The following CERS6 variants were observed in gnomAD, a reference collection of about 807,000 sequenced individuals.
The protein encoded by CERS6 is LAG1 homolog, ceramide synthase 6.
Under a neutral mutation model 56.8 loss-of-function variants are expected in CERS6, and 26 were observed. The ratio of observed to expected loss-of-function variants is 0.46; its 90% confidence interval spans 0.34 to 0.63. The LOEUF is 0.63. CERS6 is among the 30% of genes least tolerant of loss of function. The probability of loss-of-function intolerance (pLI) is 0.01; values close to 1 mark genes in which losing one functional copy is unlikely to be tolerated. For missense variants in CERS6, 415 were observed against 467.5 expected (o/e 0.89, Z 1.04); for synonymous variants, 164 against 173.3 (o/e 0.95, Z 0.42).
intron 1 of CERS6, among the ~76,000 whole-genome samples, chr2:168,500,171 A>G (rs902942673): frequency 3.9e-5 from 6 of 152,204 alleles, no homozygotes; most frequent in Admixed American, 6.5e-5. Context: ...ATCCATTCAT[A>G]TGACATTTTA....
intron 4 of CERS6, among the ~76,000 whole-genome samples, chr2:168,650,769 T>C (rs1439994590): frequency 6.6e-6 from 1 of 152,190 alleles, no homozygotes; most frequent in Admixed American, 6.5e-5. Flanking sequence ...ATTATTAAAA[T>C]CTTTCACAGT....
At chr2:168,582,405 C>T (rs1176431815) in intron 3 of CERS6, among the ~76,000 whole-genome samples, 1 of 152,054 alleles carries the variant, frequency 6.6e-6, no homozygotes, top group Non-Finnish European at 1.5e-5. Context: ...ATCCTGAGAG[C>T]TTCTTACTAT....
At chr2:168,457,889 C>T (rs984281809) in intron 1 of CERS6, among the ~76,000 whole-genome samples, 6 of 152,106 alleles carry the variant, frequency 3.9e-5, no homozygotes, top group Admixed American at 2.6e-4. Flanking sequence ...AGTATTGTTG[C>T]TTGAAAACGA....
intron 3 of CERS6, among the ~76,000 whole-genome samples, chr2:168,628,499 C>G (rs890069436): frequency 3.3e-5 from 5 of 152,194 alleles, no homozygotes; most frequent in African/African-American, 1.2e-4. Context: ...GAATGCAGTA[C>G]CTTCATAGGT....
chr2:168,547,471 G>T, intron 1 of CERS6, 125 bp from the exon 2 acceptor site: 1 of 674,882 alleles, frequency 1.5e-6, no homozygotes, highest in Non-Finnish European at 2.6e-6. Flanking sequence ...TGTTGACAAT[G>T]TACACCCATG....
chr2:168,688,150 A>G (rs766761608), intron 4 of CERS6, among the ~76,000 whole-genome samples: 14 of 152,146 alleles, frequency 9.2e-5, no homozygotes, highest in African/African-American at 1.4e-4. Context: ...TTAGGGCTTA[A>G]CTTTCTAAAT....
At chr2:168,733,549 G>C (rs556081880) in intron 8 of CERS6, among the ~76,000 whole-genome samples, 1 of 152,266 alleles carries the variant, frequency 6.6e-6, no homozygotes, top group East Asian at 1.9e-4. Flanking sequence ...TTTTATTGGA[G>C]AAAAGGGAGA....
intron 1 of CERS6, among the ~76,000 whole-genome samples, chr2:168,540,379 G>A (rs146060907): frequency 8.7e-4 from 132 of 152,280 alleles, no homozygotes; most frequent in African/African-American, 3.0e-3. Flanking sequence ...CATGACTGAA[G>A]GCAAAGAAGA....
In CERS6 at chr2:168,773,587, C is replaced by T. The variant is rs1454572009; in HGVS notation, c.*3925C>T. 6.6e-6 allele frequency: 1 copy of T among 152,298 alleles called. No individual in the cohort carries two copies. Among genetic ancestry groups the T allele is most frequent in the African/African-American group, 2.4e-5 (1 of 41,574 alleles). The allele number at this position is 152,298 out of a possible 1,614,324, so 9.4% of individuals were successfully genotyped here. A position where few individuals can be genotyped will look rare whatever the true frequency, so the allele number is the denominator to read the frequency against. On this transcript the variant is annotated 3_prime_UTR_variant, in exon 10 of 10. Coordinates refer to ENST00000305747, the MANE Select transcript of CERS6 (RefSeq NM_203463.3). Reference sequence around the variant, plus strand: ...ATGGAAAGAGAAAATGCAATGAGCCCAGTTACTGCACTTGCCACTACCATG... The same window carrying T: ...ATGGAAAGAGAAAATGCAATGAGCCTAGTTACTGCACTTGCCACTACCATG...
chr2:168,682,891 CTCTT>C (rs1559050625), intron 4 of CERS6, among the ~76,000 whole-genome samples: 1 of 152,158 alleles, frequency 6.6e-6, no homozygotes, highest in Non-Finnish European at 1.5e-5. Flanking sequence ...ATCTCAGTGA[CTCTT>C]TCTAGAGAAT....
chr2:168,550,691 C>T (rs4000848), intron 2 of CERS6, among the ~76,000 whole-genome samples: 140,538 of 152,186 alleles, frequency 0.92, 65,408 homozygotes, highest in Non-Finnish European at 0.99. Context: ...AGGCCTCTCT[C>T]CAGGCCCACT....
intron 3 of CERS6, among the ~76,000 whole-genome samples, chr2:168,618,825 A>T (rs568694526): frequency 1.1e-4 from 17 of 152,342 alleles, no homozygotes; most frequent in African/African-American, 4.1e-4. Flanking sequence ...CTACAAATTC[A>T]GTGCAATTTC....
At chr2:168,616,450 GAGA>G (rs1174014067) in intron 3 of CERS6, among the ~76,000 whole-genome samples, 2 of 152,156 alleles carry the variant, frequency 1.3e-5, no homozygotes, top group Admixed American at 1.3e-4. Flanking sequence ...TGGCAGAATG[GAGA>G]AGAATTCACC....
chr2:168,552,530 GT>G (rs1196597505), intron 2 of CERS6, among the ~76,000 whole-genome samples: 4 of 152,158 alleles, frequency 2.6e-5, no homozygotes, highest in African/African-American at 9.7e-5. Flanking sequence ...GTATGAGGAA[GT>G]GAAAAGCATG....
intron 4 of CERS6, among the ~76,000 whole-genome samples, chr2:168,669,858 A>G (rs1574145764): frequency 6.6e-6 from 1 of 152,372 alleles, no homozygotes; most frequent in South Asian, 2.1e-4. Context: ...AATGTGTTGT[A>G]TAGGAACAGC....
chr2:168,478,332 T>C (rs1357839256), intron 1 of CERS6, among the ~76,000 whole-genome samples: 1 of 152,132 alleles, frequency 6.6e-6, no homozygotes, highest in Non-Finnish European at 1.5e-5. Context: ...AAACCACCCC[T>C]CTCTGCTGGG....
intron 3 of CERS6, among the ~76,000 whole-genome samples, chr2:168,625,266 A>T (rs574229944): frequency 6.6e-6 from 1 of 152,180 alleles, no homozygotes; most frequent in Non-Finnish European, 1.5e-5. Context: ...TTTTTTCATT[A>T]GCTATACCAT....
rs560853063 is a variant in CERS6 at position 168,456,312 on chromosome 2, AGGC to A, written c.-125_-123del. 1,296 of 345,032 alleles carry A rather than the reference AGGC, an allele frequency of 3.8e-3. 1 individual carries two copies. The highest frequency in any genetic ancestry group is 5.6e-3 in the Admixed American group (98 of 17,382). 21.4% of individuals were successfully genotyped at this position (345,032 alleles called of 1,614,324 possible). On this transcript the variant is annotated 5_prime_UTR_variant, in exon 1 of 10. Coordinates refer to ENST00000305747, the MANE Select transcript of CERS6 (RefSeq NM_203463.3). The surrounding 1 kb of genome is among the most constrained non-coding windows in gnomAD (Gnocchi z 4.1). ...CCTTCGAGAGCAGCGGCCGCGGAGG[AGGC>A]GGCGGCGGCGGGCGGGAGCAGCGGC...
intron 8 of CERS6, among the ~76,000 whole-genome samples, chr2:168,737,242 A>T (rs1296510097): frequency 1.3e-5 from 2 of 152,220 alleles, no homozygotes; most frequent in Admixed American, 6.5e-5. Flanking sequence ...CAGGAAAAAC[A>T]CAATGAAAAC....
Sources: allele counts gnomAD v4.1 joint callset (sites outside exome capture counted in the v4.1 genomes callset), GRCh38; gene constraint gnomAD v4.1.1; non-coding constraint Gnocchi (gnomAD v3.1); transcripts MANE v1.5; gene names NCBI Gene and HGNC (gene_info 2026-07-23, HGNC 2026-07-21).